Variants in TTC28 observed in about 807,000 individuals in gnomAD.
The protein encoded by TTC28 is tetratricopeptide repeat domain 28.
Under a neutral mutation model 198.0 loss-of-function variants are expected in TTC28, and 61 were observed. The observed-to-expected ratio is 0.31, with a 90% CI of 0.25 to 0.38. The LOEUF (loss-of-function observed/expected upper bound fraction) is 0.38. Ranked by LOEUF, TTC28 falls within the 10% of genes least tolerant of loss-of-function variation. The pLI is 1.00. For synonymous variants in TTC28, 1,171 were observed against 1,297.8 expected, an observed-to-expected ratio of 0.90 and a Z score of 2.10; for missense variants, 2,678 against 3,164.0, an observed-to-expected ratio of 0.85 and a Z score of 3.69.
rs930247029 is a variant in TTC28, at chr22:27,982,472, G to A, written c.7195C>T (p.Pro2399Ser). 6.4e-7 allele frequency: 1 copy of A among 1,551,672 alleles called. No homozygotes were observed. The highest frequency in any genetic ancestry group is 8.7e-7 in the Non-Finnish European group (1 of 1,147,002). ...CCCTCCTCCTTCTTATTGTGCCGTG[G>A]TGACAAATTCAACAGACTGAGGACA... The part of the protein sequence containing the change: ...RDVLSLLNLS[P>S]RHNKKEEGVD... Residue 2399 changes from proline to serine, a missense_variant, in exon 23 of 23, where the codon CCA (proline) becomes TCA (serine). By Grantham distance (74) the Pro-to-Ser change is moderately conservative (BLOSUM62 -1). Around this residue, in one of 8 missense-constraint regions of TTC28, gnomAD observed 622 missense variants for 656.0 expected, o/e 0.95. Coordinates refer to ENST00000397906, the MANE Select transcript of TTC28 (RefSeq NM_001145418.2). This position sits in a 1 kb window ranked among gnomAD's most constrained non-coding sequence, Gnocchi z 5.2.
intron 2 of TTC28, among the ~76,000 whole-genome samples, chr22:28,403,785 T>A (rs2046956176): frequency 6.6e-6 from 1 of 152,218 alleles, no homozygotes; most frequent in African/African-American, 2.4e-5. Context: ...TTTACTCGGT[T>A]TCTTGCCATC....
chr22:28,477,897 C>T (rs1410669247), intron 2 of TTC28, among the ~76,000 whole-genome samples: 1 of 152,146 alleles, frequency 6.6e-6, no homozygotes, highest in Non-Finnish European at 1.5e-5. Flanking sequence ...CAAGTCAGTC[C>T]AATTGAAGCC....
intron 5 of TTC28, among the ~76,000 whole-genome samples, chr22:28,224,561 C>A (rs916853021): frequency 6.6e-6 from 1 of 152,096 alleles, no homozygotes; most frequent in Non-Finnish European, 1.5e-5. Context: ...AAACTAGGAG[C>A]TGGCAATCAA....
chr22:28,174,998 T>C (rs1277609495), intron 5 of TTC28, among the ~76,000 whole-genome samples: 2 of 150,280 alleles, frequency 1.3e-5, no homozygotes, highest in African/African-American at 2.5e-5. Flanking sequence ...CAAAGTTGCA[T>C]GCATTGGAAA....
At chr22:28,400,390 C>T (rs2046887838) in intron 2 of TTC28, among the ~76,000 whole-genome samples, 1 of 152,166 alleles carries the variant, frequency 6.6e-6, no homozygotes, top group Admixed American at 6.5e-5. Flanking sequence ...ATTCACCAAG[C>T]TTTGAAAAGG....
At chr22:28,336,166 GC>G (rs1156718140) in intron 2 of TTC28, among the ~76,000 whole-genome samples, 1 of 152,152 alleles carries the variant, frequency 6.6e-6, no homozygotes, top group Non-Finnish European at 1.5e-5. Context: ...TGCTGAACCA[GC>G]CTTGCATCCC....
intron 15 of TTC28, chr22:27,999,967 G>A (rs1387278553): frequency 6.6e-6 from 1 of 152,128 alleles, no homozygotes; most frequent in Non-Finnish European, 1.5e-5. Context: ...GAAACACCAG[G>A]TGCCTGTCAG....
intron 6 of TTC28, among the ~76,000 whole-genome samples, chr22:28,141,870 A>G (rs1943344107): frequency 6.6e-6 from 1 of 152,238 alleles, no homozygotes; most frequent in Non-Finnish European, 1.5e-5. Flanking sequence ...AAGAAAAGCC[A>G]CATCAACACA....
chr22:28,304,968 TTTA>T (rs1404941920), intron 3 of TTC28, among the ~76,000 whole-genome samples: 16 of 147,176 alleles, frequency 1.1e-4, no homozygotes, highest in Admixed American at 2.7e-4. Context: ...AGTTTGTTTA[TTTA>T]TTATTTATTT....
intron 2 of TTC28, among the ~76,000 whole-genome samples, chr22:28,589,783 T>C (rs190135228): frequency 6.6e-6 from 1 of 152,088 alleles, no homozygotes; most frequent in South Asian, 2.1e-4. Context: ...CTCACGCCTG[T>C]AATCCTAGCA....
chr22:28,217,266 T>C (rs1363535775), intron 5 of TTC28, among the ~76,000 whole-genome samples: 1 of 150,296 alleles, frequency 6.7e-6, no homozygotes, highest in Non-Finnish European at 1.5e-5. Flanking sequence ...ACTATGCACA[T>C]GCAAAAAATA....
At chr22:28,423,837 G>A (rs1470147470) in intron 2 of TTC28, among the ~76,000 whole-genome samples, 1 of 152,154 alleles carries the variant, frequency 6.6e-6, no homozygotes, top group African/African-American at 2.4e-5. Context: ...AGCCAGCTAT[G>A]TTCACTCATT....
chr22:28,269,531 A>G (rs1931911857), intron 5 of TTC28, among the ~76,000 whole-genome samples: 2 of 152,216 alleles, frequency 1.3e-5, no homozygotes, highest in South Asian at 4.1e-4. Context: ...ACTGACTTCT[A>G]TAACACAATG....
In TTC28 at chr22:28,297,731, A is replaced by G. The variant is rs1159469697; in HGVS notation, c.651T>C (p.Val217=). 21 of 1,551,664 alleles carry G rather than the reference A, an allele frequency of 1.4e-5. No individual in the cohort carries two copies. The highest frequency in any genetic ancestry group is 1.8e-5 in the Non-Finnish European group (21 of 1,146,992). The change falls in exon 4 of 23, where the codon GTT becomes GTC. Residue 217 remains valine (V), a synonymous_variant. Transcript: ENST00000397906. ...CAATCTTCAGTGCGGCTTCTAAGAC[A>G]ACCACAGAGGCCCCATGATGGCCAG... is the stretch of plus-strand genomic sequence containing the variant. The part of the protein sequence containing the change: ...LTAGHHGASV[V]VLEAALKIGT...
intron 2 of TTC28, among the ~76,000 whole-genome samples, chr22:28,318,812 CTTTTTTTTTTTTTTT>C (rs71316836): frequency 5.2e-4 from 32 of 61,332 alleles, no homozygotes; most frequent in African/African-American, 2.1e-3. Flanking sequence ...GAAGTGTATT[CTTTTTTTTTTTTTTT>C]TTTTTTTTTT....
chr22:27,998,219 C>T, intron 16 of TTC28: 1 of 407,790 alleles, frequency 2.5e-6, no homozygotes, highest in Non-Finnish European at 4.4e-6. Flanking sequence ...CTTTCTACCA[C>T]ACACTCCTTT....
chr22:28,475,408 G>A (rs2048150753), intron 2 of TTC28, among the ~76,000 whole-genome samples: 1 of 152,058 alleles, frequency 6.6e-6, no homozygotes, highest in Non-Finnish European at 1.5e-5. Context: ...GAAATGGAAG[G>A]AAATCTGAGT....
At chr22:28,473,860 G>A (rs2048129149) in intron 2 of TTC28, among the ~76,000 whole-genome samples, 1 of 152,146 alleles carries the variant, frequency 6.6e-6, no homozygotes, top group Admixed American at 6.5e-5. Context: ...AAGACAATGT[G>A]AAAGAAGCAG....
chr22:28,629,097 A>G (rs1217121104), intron 2 of TTC28, among the ~76,000 whole-genome samples: 1 of 152,100 alleles, frequency 6.6e-6, no homozygotes, highest in African/African-American at 2.4e-5. Context: ...GAATACAGAT[A>G]ATTACAATGC....
Sources: allele counts gnomAD v4.1 joint callset (sites outside exome capture counted in the v4.1 genomes callset), GRCh38; gene constraint gnomAD v4.1.1; regional missense constraint gnomAD v4.1.1; non-coding constraint Gnocchi (gnomAD v3.1); transcripts MANE v1.5; gene names NCBI Gene and HGNC (gene_info 2026-07-23, HGNC 2026-07-21).